The following ADAMTSL3 variants were observed in gnomAD, a reference collection of about 807,000 sequenced individuals.
ADAMTSL3 encodes the protein ADAMTS-like protein 3.
In ADAMTSL3, 128 loss-of-function variants were observed where a neutral mutation model predicts 201.7. The ratio of observed to expected loss-of-function variants is 0.63; its 90% CI spans 0.55 to 0.73. The LOEUF is 0.73. Ranked by LOEUF, ADAMTSL3 falls within the 30% of genes least tolerant of loss-of-function variation. The pLI is 0.00. For missense variants in ADAMTSL3, 1,990 were observed against 2,119.6 expected (o/e 0.94, Z 1.20); for synonymous variants, 738 against 748.4 (o/e 0.99, Z 0.23).
chr15:83,842,039 C>A (rs913551787), intron 7 of ADAMTSL3, among the ~76,000 whole-genome samples: 1 of 151,456 alleles, frequency 6.6e-6, no homozygotes, highest in African/African-American at 2.4e-5. Context: ...CTCCATCCCC[C>A]TTCTGCCTCC....
At chr15:84,013,545 C>T (rs542284586) in intron 23 of ADAMTSL3, among the ~76,000 whole-genome samples, 5 of 152,154 alleles carry the variant, frequency 3.3e-5, no homozygotes, top group African/African-American at 9.6e-5. Flanking sequence ...GAGGCTGAGG[C>T]GGGGGATCGC....
chr15:83,799,008 C>T (rs532536591), intron 4 of ADAMTSL3, among the ~76,000 whole-genome samples: 1 of 152,154 alleles, frequency 6.6e-6, no homozygotes, highest in East Asian at 1.9e-4. Context: ...TCACCCATTC[C>T]CATATTAAGA....
intron 2 of ADAMTSL3, among the ~76,000 whole-genome samples, chr15:83,691,466 C>G (rs942301073): frequency 6.6e-6 from 1 of 152,112 alleles, no homozygotes; most frequent in Non-Finnish European, 1.5e-5. Context: ...AAGCCTGGCT[C>G]CCTTTTGAAA....
chr15:83,915,057 G>T (rs1380249966), intron 16 of ADAMTSL3, among the ~76,000 whole-genome samples: 5 of 152,104 alleles, frequency 3.3e-5, no homozygotes, highest in Admixed American at 3.3e-4. Context: ...CCTACTGTAT[G>T]TCTACAAAAT....
At chr15:83,791,023 T>G (rs2063335735) in intron 4 of ADAMTSL3, among the ~76,000 whole-genome samples, 1 of 152,082 alleles carries the variant, frequency 6.6e-6, no homozygotes, top group African/African-American at 2.4e-5. Context: ...TAGGAATACA[T>G]TTAGCCAAGG....
chr15:83,928,072 G>A (rs879341238), intron 17 of ADAMTSL3, among the ~76,000 whole-genome samples: 1 of 151,736 alleles, frequency 6.6e-6, no homozygotes. Flanking sequence ...AACTTCTGGG[G>A]TCAAGTGATC....
chr15:83,732,646 C>T (rs933820137), intron 3 of ADAMTSL3, among the ~76,000 whole-genome samples: 5 of 152,038 alleles, frequency 3.3e-5, no homozygotes, highest in Admixed American at 2.0e-4. Context: ...TATTCAGCTC[C>T]GTCTTAACTA....
chr15:83,965,349 C>CAAA lies in ADAMTSL3; in HGVS notation c.2491-5118_2491-5116dup, dbSNP rs143907808. On this transcript the variant is annotated intron_variant, in intron 19 of 29. Transcript: ENST00000286744. ...GAATATTTACCAAGCAAATGGAAAG[C>CAAA]AAAAAAAAAAAAAAAAAAAGCAGGG... Among the ~76,000 whole-genome samples the CAAA allele has an allele frequency of 2.6e-3, 260 of 98,380 alleles. 5 individuals carry two copies. Among genetic ancestry groups the CAAA allele is most frequent in the Admixed American group, 5.7e-3 (49 of 8,622 alleles). 64.5% of individuals were successfully genotyped at this position (98,380 alleles called of 152,430 possible).
At chr15:83,826,701 C>G (rs2064032064) in intron 6 of ADAMTSL3, among the ~76,000 whole-genome samples, 1 of 145,342 alleles carries the variant, frequency 6.9e-6, no homozygotes, top group South Asian at 2.2e-4. Context: ...TGATGTTCCC[C>G]TTCCTGTGTC....
chr15:84,024,490 T>G (rs546756598), intron 26 of ADAMTSL3, among the ~76,000 whole-genome samples: 1 of 152,212 alleles, frequency 6.6e-6, no homozygotes, highest in East Asian at 1.9e-4. Flanking sequence ...GAAGGAAATA[T>G]TAAATTTCAG....
chr15:83,981,353 T>C (rs1315341070), intron 20 of ADAMTSL3, among the ~76,000 whole-genome samples: 1 of 152,232 alleles, frequency 6.6e-6, no homozygotes, highest in African/African-American at 2.4e-5. Context: ...ACCCCATCTC[T>C]GTTCCCTCTT....
chr15:83,787,239 GTTTTA>G (rs2063279872), intron 4 of ADAMTSL3, among the ~76,000 whole-genome samples: 1 of 152,100 alleles, frequency 6.6e-6, no homozygotes, highest in Admixed American at 6.5e-5. Flanking sequence ...CCGCTGTATT[GTTTTA>G]TTTTTCTGTT....
At chr15:83,698,798 T>C (rs1470543577) in intron 2 of ADAMTSL3, among the ~76,000 whole-genome samples, 2 of 152,136 alleles carry the variant, frequency 1.3e-5, no homozygotes, top group Non-Finnish European at 2.9e-5. Flanking sequence ...CTTGTCAAAG[T>C]CAACGTTGAC....
chr15:83,807,734 C>G (rs1367166366), intron 5 of ADAMTSL3, among the ~76,000 whole-genome samples: 2 of 152,108 alleles, frequency 1.3e-5, no homozygotes, highest in Non-Finnish European at 2.9e-5. Flanking sequence ...TACCTGACTT[C>G]AAAATATATG....
chr15:84,022,759 G>A, intron 26 of ADAMTSL3, among the ~76,000 whole-genome samples: 1 of 152,144 alleles, frequency 6.6e-6, no homozygotes, highest in Admixed American at 6.5e-5. Flanking sequence ...TGGGCCTTGG[G>A]CTATCTCTTT....
In ADAMTSL3 at chr15:83,823,579, C is replaced by T. The variant is rs946255842; in HGVS notation, c.600+3532C>T. ...CCCAAAGATTACTTTTAATTTAGCA[C>T]GTCTTTCCATCTTTACTGCCTTTCT... On this transcript the variant is annotated intron_variant, in intron 6 of 29. Coordinates refer to ENST00000286744, the MANE Select transcript of ADAMTSL3 (RefSeq NM_207517.3). 4.6e-5 allele frequency among the ~76,000 whole-genome samples: 7 copies of T among 152,288 alleles called. 1 individual carries two copies. The South Asian group carries it at 1.0e-3, about 23-fold the overall frequency.
intron 4 of ADAMTSL3, among the ~76,000 whole-genome samples, chr15:83,795,234 A>AAAC (rs561027421): frequency 4.7e-4 from 60 of 126,876 alleles, no homozygotes; most frequent in African/African-American, 1.6e-3. Context: ...CACACATTTA[A>AAAC]AACAACAACA....
chr15:84,027,554 C>CA (rs1216531720), intron 27 of ADAMTSL3, among the ~76,000 whole-genome samples: 3 of 152,052 alleles, frequency 2.0e-5, no homozygotes, highest in Middle Eastern at 3.4e-3. Flanking sequence ...ACTAAAAATA[C>CA]AAAAAATTAG....
rs557099381 is a variant in ADAMTSL3, at chr15:83,889,702, C to T, written c.1073-407C>T. 5.9e-5 allele frequency among the ~76,000 whole-genome samples: 9 copies of T among 152,170 alleles called. No homozygotes were observed. The East Asian group carries it at 9.7e-4, about 16-fold the overall frequency. The stretch of plus-strand genomic sequence containing the variant: ...CAATGAGGAGAAAAGACAATGAACC[C>T]AGGAGAATGAATAACTCTCCTGCAC... On this transcript the variant is annotated intron_variant, in intron 10 of 29. Coordinates refer to ENST00000286744, the MANE Select transcript of ADAMTSL3 (RefSeq NM_207517.3).
Sources: allele counts gnomAD v4.1 joint callset (sites outside exome capture counted in the v4.1 genomes callset), GRCh38; gene constraint gnomAD v4.1.1; transcripts MANE v1.5; gene names NCBI Gene and HGNC (gene_info 2026-07-23, HGNC 2026-07-21).